CORIN: variants seen among roughly 807,000 people sequenced by gnomAD.
The protein encoded by CORIN is atrial natriuretic peptide-converting enzyme.
A neutral mutation model predicts 125.3 loss-of-function variants in CORIN; 117 were observed. The ratio of observed to expected loss-of-function variants is 0.93; its 90% confidence interval spans 0.80 to 1.09. The LOEUF is 1.09. CORIN is among the 50% of genes least tolerant of loss of function. The pLI is 0.00. For missense variants in CORIN, 1,253 were observed against 1,306.7 expected (o/e 0.96, Z 0.63); for synonymous variants, 450 against 466.4 (o/e 0.96, Z 0.45).
chr4:47,665,045 T>C lies in CORIN; in HGVS notation c.1576A>G (p.Ile526Val). The C allele has an allele frequency of 5.6e-6, 9 of 1,606,492 alleles. No individual in the cohort carries two copies. Among genetic ancestry groups the C allele is most frequent in the Non-Finnish European group, 7.7e-6 (9 of 1,173,274 alleles). ...PKCDVNTGEH[I>V]PPCRALCEHS... Reference sequence around the variant, plus strand: ...CCATCATATTACCTGCAAGGAGGGATATGCTCGCCTGTATTCACATCACAT... The same window carrying C: ...CCATCATATTACCTGCAAGGAGGGACATGCTCGCCTGTATTCACATCACAT... The change falls in exon 11 of 22, where the codon ATC becomes GTC. Residue 526 changes from isoleucine to valine, a missense_variant. Ile to Val is a conservative substitution (Grantham distance 29). Coordinates refer to ENST00000273857, the MANE Select transcript of CORIN (RefSeq NM_006587.4).
chr4:47,756,648 AT>A (rs142732811), intron 4 of CORIN, among the ~76,000 whole-genome samples: 4 of 152,016 alleles, frequency 2.6e-5, no homozygotes, highest in African/African-American at 4.8e-5. Flanking sequence ...TGGCTAAGTA[AT>A]TTTTTTTATA....
intron 16 of CORIN, among the ~76,000 whole-genome samples, chr4:47,632,757 A>AGATGATAGATAGATAGAT: frequency 7.3e-6 from 1 of 136,912 alleles, no homozygotes; most frequent in Admixed American, 7.9e-5. Flanking sequence ...ATAGATAGAT[A>AGATGATAGATAGATAGAT]GATAGATAGA....
chr4:47,612,644 T>G (rs1446871869), intron 19 of CORIN, among the ~76,000 whole-genome samples: 1 of 152,064 alleles, frequency 6.6e-6, no homozygotes, highest in African/African-American at 2.4e-5. Flanking sequence ...AGACAGCAAG[T>G]GATGGTAACA....
chr4:47,729,801 G>A (rs1342367786), intron 5 of CORIN, among the ~76,000 whole-genome samples: 1 of 152,052 alleles, frequency 6.6e-6, no homozygotes, highest in African/African-American at 2.4e-5. Flanking sequence ...GCACACACAC[G>A]GAGCGGCTGA....
intron 10 of CORIN, among the ~76,000 whole-genome samples, chr4:47,667,782 G>A (rs1560497125): frequency 6.6e-6 from 1 of 152,228 alleles, no homozygotes; most frequent in Non-Finnish European, 1.5e-5. Context: ...CTAGACGGAA[G>A]AGGTTTGGGG....
At chr4:47,700,974 T>G (rs1726267279) in intron 5 of CORIN, among the ~76,000 whole-genome samples, 1 of 152,248 alleles carries the variant, frequency 6.6e-6, no homozygotes, top group Admixed American at 6.5e-5. Context: ...GATGGTGCTA[T>G]TATACTGATG....
chr4:47,618,123 T>C (rs975806984), intron 19 of CORIN, among the ~76,000 whole-genome samples: 27 of 150,714 alleles, frequency 1.8e-4, no homozygotes, highest in African/African-American at 6.3e-4. Flanking sequence ...TCACTTGAGG[T>C]CAGGAGTTCG....
intron 13 of CORIN, 112 bp from the exon 14 acceptor site, chr4:47,645,306 T>C: frequency 1.6e-6 from 1 of 629,788 alleles, no homozygotes. Flanking sequence ...CAGGGCGCAG[T>C]GGCTCATGCC....
At chr4:47,609,248 AT>A (rs1030384716) in intron 19 of CORIN, among the ~76,000 whole-genome samples, 4 of 151,338 alleles carry the variant, frequency 2.6e-5, no homozygotes, top group African/African-American at 7.3e-5. Flanking sequence ...TTATTTATTT[AT>A]TTTTTTTGAG....
At chr4:47,809,572 T>G (rs879493737) in intron 1 of CORIN, among the ~76,000 whole-genome samples, 1 of 151,906 alleles carries the variant, frequency 6.6e-6, no homozygotes, top group Admixed American at 6.6e-5. Context: ...TCCCGGCTAA[T>G]TTTTTGTGCA....
At chr4:47,828,700 G>A (rs971860561) in intron 1 of CORIN, among the ~76,000 whole-genome samples, 1 of 152,178 alleles carries the variant, frequency 6.6e-6, no homozygotes, top group Non-Finnish European at 1.5e-5. Context: ...GGATTAAGAT[G>A]TGGGTTTATT....
At chr4:47,710,854 C>T (rs1309855330) in intron 5 of CORIN, among the ~76,000 whole-genome samples, 2 of 152,236 alleles carry the variant, frequency 1.3e-5, no homozygotes, top group Non-Finnish European at 1.5e-5. Flanking sequence ...ATCCCCACTG[C>T]TCACACGCAT....
intron 5 of CORIN, among the ~76,000 whole-genome samples, chr4:47,701,285 TG>T (rs1261750432): frequency 1.3e-5 from 2 of 152,232 alleles, no homozygotes; most frequent in Non-Finnish European, 2.9e-5. Flanking sequence ...AAACTGTCTC[TG>T]TCAAACAAAT....
chr4:47,799,274 A>G (rs1410101954), intron 2 of CORIN, among the ~76,000 whole-genome samples: 1 of 151,814 alleles, frequency 6.6e-6, no homozygotes, highest in Non-Finnish European at 1.5e-5. Flanking sequence ...GGAATGATTT[A>G]TTTTCTTTTG....
At chr4:47,602,132 G>A (rs542436273) in intron 20 of CORIN, among the ~76,000 whole-genome samples, 4 of 151,984 alleles carry the variant, frequency 2.6e-5, no homozygotes, top group Non-Finnish European at 5.9e-5. Context: ...TTAGCCAGGC[G>A]TCATGGCACA....
intron 5 of CORIN, among the ~76,000 whole-genome samples, chr4:47,702,250 T>C (rs1245803968): frequency 6.6e-6 from 1 of 152,210 alleles, no homozygotes; most frequent in Non-Finnish European, 1.5e-5. Flanking sequence ...ACATATAAAC[T>C]ACTTCTGACA....
At chr4:47,730,102 C>A (rs551652720) in intron 5 of CORIN, among the ~76,000 whole-genome samples, 1 of 152,328 alleles carries the variant, frequency 6.6e-6, no homozygotes, top group African/African-American at 2.4e-5. Context: ...GGCTGTCACA[C>A]TGGCTCCCTG....
intron 12 of CORIN, among the ~76,000 whole-genome samples, chr4:47,659,240 GTCT>G (rs1724138293): frequency 1.3e-5 from 2 of 152,064 alleles, no homozygotes; most frequent in South Asian, 4.1e-4. Flanking sequence ...TCATCTTCCT[GTCT>G]TCTTCTGAGC....
At position 47,680,778 on chromosome 4, in the gene CORIN, G is replaced by T. The variant is rs140083809; in HGVS notation, c.1022-527C>A. ...TTGATTATCTTTTTTTTGAGACAAG[G>T]TCTCTCTCTTTCTCCCAGGCTGGAG... On this transcript the variant is annotated intron_variant, in intron 7 of 21. Transcript: ENST00000273857. 6.0e-4 allele frequency: 92 copies of T among 154,078 alleles called. No individual in the cohort carries two copies. The East Asian group carries it at 0.017, about 29-fold the overall frequency. 9.5% of individuals were successfully genotyped at this position (154,078 alleles called of 1,614,324 possible).
Sources: gnomAD v4.1 joint callset for allele counts (sites outside exome capture counted in the v4.1 genomes callset) on GRCh38, gnomAD v4.1.1 for gene constraint, MANE v1.5 for transcripts, NCBI Gene and HGNC (gene_info 2026-07-23, HGNC 2026-07-21) for gene names.